Variants in CAMTA1 observed in about 807,000 individuals in gnomAD.
CAMTA1 encodes calmodulin-binding transcription activator 1.
In CAMTA1, 27 loss-of-function variants were observed where a neutral mutation model predicts 170.9. That is an observed-to-expected ratio of 0.16 (90% CI 0.12 to 0.22). The LOEUF is 0.22. Ranked by LOEUF, CAMTA1 falls within the 10% of genes least tolerant of loss-of-function variation. The pLI is 1.00. For synonymous variants in CAMTA1, 833 were observed against 891.5 expected (o/e 0.93, Z 1.17); for missense variants, 1,619 against 2,217.2 (o/e 0.73, Z 5.42).
intron 5 of CAMTA1, among the ~76,000 whole-genome samples, chr1:7,427,633 C>G (rs2091930740): frequency 6.6e-6 from 1 of 152,228 alleles, no homozygotes; most frequent in East Asian, 1.9e-4. Flanking sequence ...AATCTCTAGT[C>G]TCTTTTATAA....
At chr1:7,618,841 C>T (rs1011809245) in intron 6 of CAMTA1, among the ~76,000 whole-genome samples, 2 of 152,084 alleles carry the variant, frequency 1.3e-5, no homozygotes, top group Non-Finnish European at 2.9e-5. Context: ...ATTGCAAATG[C>T]CAGTTTGAAG....
Position 7,113,657 on chromosome 1 carries a change from C to T in CAMTA1, c.302+22286C>T, listed in dbSNP as rs149446217. Among the ~76,000 whole-genome samples, 1,141 of 152,302 alleles carry T rather than the reference C, an allele frequency of 7.5e-3. 11 individuals are homozygous for T. Among genetic ancestry groups the T allele is most frequent in the African/African-American group, 0.026 (1,068 of 41,558 alleles). On this transcript the variant is annotated intron_variant, in intron 4 of 22. Transcript: ENST00000303635. The surrounding 1 kb of genome is among the most constrained non-coding windows in gnomAD (Gnocchi z 4.5). The stretch of plus-strand genomic sequence containing the variant: ...ATATTCTAACATGGTAATGAGGAAG[C>T]GGCTTTTGTCCAAGAGGTGAGATAT...
Position 7,701,768 on chromosome 1 carries a change from A to G in CAMTA1, c.2914+24035A>G, listed in dbSNP as rs17031436. Among the ~76,000 whole-genome samples the G allele has an allele frequency of 8.8e-3, 1,341 of 152,248 alleles. 13 individuals carry two copies. The highest frequency in any genetic ancestry group is 0.029 in the African/African-American group (1,211 of 41,542). ...ATTGCACTTAACCTTGGTACTGCCA[A>G]TGGACTCATAACTGAGTATTCTTTT... On this transcript the variant is annotated intron_variant, in intron 11 of 22. Transcript: ENST00000303635.
chr1:7,618,586 C>T (rs1276262551), intron 6 of CAMTA1, among the ~76,000 whole-genome samples: 2 of 152,190 alleles, frequency 1.3e-5, no homozygotes, highest in East Asian at 3.9e-4. Flanking sequence ...TGATATTTTA[C>T]AGTGCCTTCT....
intron 7 of CAMTA1, among the ~76,000 whole-genome samples, chr1:7,658,364 G>A (rs987846088): frequency 7.2e-5 from 11 of 152,116 alleles, no homozygotes; most frequent in African/African-American, 2.4e-4. Flanking sequence ...ACAGAGCTGC[G>A]TGTTCTCCCA....
At chr1:6,839,887 G>A (rs1654955195) in intron 3 of CAMTA1, among the ~76,000 whole-genome samples, 1 of 152,192 alleles carries the variant, frequency 6.6e-6, no homozygotes, top group African/African-American at 2.4e-5. Flanking sequence ...AGATCTTGTT[G>A]TGCCAAGTAG....
At chr1:6,862,584 C>T (rs558078614) in intron 3 of CAMTA1, among the ~76,000 whole-genome samples, 1 of 152,164 alleles carries the variant, frequency 6.6e-6, no homozygotes, top group East Asian at 1.9e-4. Context: ...GCCAAACCTT[C>T]TTTCTTAGAT....
chr1:7,138,831 C>A (rs928523462), intron 4 of CAMTA1, among the ~76,000 whole-genome samples: 7 of 151,716 alleles, frequency 4.6e-5, no homozygotes, highest in Admixed American at 4.6e-4. Context: ...CCTGTGACTA[C>A]TAAAAATACA....
intron 7 of CAMTA1, among the ~76,000 whole-genome samples, chr1:7,644,228 C>G (rs2095788061): frequency 6.6e-6 from 1 of 152,144 alleles, no homozygotes; most frequent in Non-Finnish European, 1.5e-5. Flanking sequence ...AGAATCCCAT[C>G]CTGGTCCTTG....
intron 11 of CAMTA1, among the ~76,000 whole-genome samples, chr1:7,705,649 C>T (rs911935641): frequency 6.6e-6 from 1 of 152,056 alleles, no homozygotes; most frequent in Admixed American, 6.5e-5. Flanking sequence ...GCGGCGGGGC[C>T]CGCGGAGCTC....
At position 7,547,348 on chromosome 1, in the gene CAMTA1, GCACACACACACACA is replaced by G. The variant is rs3222190; in HGVS notation, c.510+79476_510+79489del. Among the ~76,000 whole-genome samples, 21 of 144,006 alleles carry G rather than the reference GCACACACACACACA, an allele frequency of 1.5e-4. No individual in the cohort carries two copies. Among genetic ancestry groups the G allele is most frequent in the East Asian group, 1.2e-3 (6 of 4,950 alleles). The allele number at this position is 144,006 out of a possible 152,430, so 94.5% of individuals were successfully genotyped here. A position where few individuals can be genotyped will look rare whatever the true frequency, so the allele number is the denominator to read the frequency against. ...GAGCTGGGGAATATATGTATCATAT[GCACACACACACACA>G]CACACACACACACACACACACACAC... On this transcript the variant is annotated intron_variant, in intron 6 of 22. Transcript: ENST00000303635. This position sits in a 1 kb window ranked among gnomAD's most constrained non-coding sequence, Gnocchi z 5.7.
chr1:7,413,198 C>T (rs553071957), intron 5 of CAMTA1, among the ~76,000 whole-genome samples: 3 of 152,220 alleles, frequency 2.0e-5, no homozygotes, highest in East Asian at 1.9e-4. Context: ...GTGATGCCTC[C>T]GCCTTTGTTC....
intron 5 of CAMTA1, among the ~76,000 whole-genome samples, chr1:7,458,263 T>C (rs2093007514): frequency 6.6e-6 from 1 of 152,074 alleles, no homozygotes; most frequent in Non-Finnish European, 1.5e-5. Context: ...CCTGCAGGCT[T>C]TGCCGGCCAG....
At chr1:6,998,990 C>T (rs1018259294) in intron 3 of CAMTA1, among the ~76,000 whole-genome samples, 1 of 152,152 alleles carries the variant, frequency 6.6e-6, no homozygotes, top group African/African-American at 2.4e-5. Context: ...TAAGTACATT[C>T]TCACTTTTGT....
chr1:7,745,716 G>C (rs576046686), intron 17 of CAMTA1, 129 bp from the exon 18 acceptor site: 2 of 1,093,160 alleles, frequency 1.8e-6, no homozygotes, highest in Non-Finnish European at 2.7e-6. Context: ...TTGCCTAACT[G>C]AATGAAGGCA....
chr1:7,015,441 T>A (rs1243692593), intron 3 of CAMTA1, among the ~76,000 whole-genome samples: 1 of 152,204 alleles, frequency 6.6e-6, no homozygotes, highest in African/African-American at 2.4e-5. Context: ...TGTCTTCCGG[T>A]GAGGCTGCAG....
chr1:7,233,714 C>G (rs559440092), intron 4 of CAMTA1, among the ~76,000 whole-genome samples: 5 of 152,136 alleles, frequency 3.3e-5, no homozygotes, highest in Admixed American at 2.6e-4. Flanking sequence ...TCCATGGCCT[C>G]GAGAGCAATG....
intron 4 of CAMTA1, among the ~76,000 whole-genome samples, chr1:7,166,301 C>T (rs1320019492): frequency 3.9e-5 from 6 of 152,010 alleles, no homozygotes; most frequent in South Asian, 2.1e-4. Context: ...CTCCTGACTG[C>T]GTGATCTGCC....
intron 5 of CAMTA1, among the ~76,000 whole-genome samples, chr1:7,344,274 C>T (rs547076437): frequency 5.5e-4 from 84 of 152,336 alleles, no homozygotes; most frequent in African/African-American, 1.9e-3. Context: ...CCTGGCATAG[C>T]AGCTCAGGGC....
Sources: allele counts gnomAD v4.1 joint callset (sites outside exome capture counted in the v4.1 genomes callset), GRCh38; gene constraint gnomAD v4.1.1; non-coding constraint Gnocchi (gnomAD v3.1); transcripts MANE v1.5; gene names NCBI Gene and HGNC (gene_info 2026-07-23, HGNC 2026-07-21).